The following DAB2IP variants were observed in gnomAD, a reference collection of about 807,000 sequenced individuals.
The protein encoded by DAB2IP is disabled homolog 2-interacting protein.
A neutral mutation model predicts 107.2 loss-of-function variants in DAB2IP; 28 were observed. The ratio of observed to expected loss-of-function variants is 0.26; its 90% confidence interval spans 0.19 to 0.36. DAB2IP has a LOEUF of 0.36. Ranked by LOEUF, DAB2IP falls within the 10% of genes least tolerant of loss-of-function variation. DAB2IP has a pLI of 1.00. For missense variants in DAB2IP, 1,400 were observed against 1,644.7 expected (o/e 0.85, Z 2.57); for synonymous variants, 755 against 706.4 (o/e 1.07, Z -1.09).
exon 11 of DAB2IP, chr9:121,770,723 G>T: frequency 1.2e-6 from 2 of 1,613,738 alleles, no homozygotes; most frequent in East Asian, 2.2e-5. Context: ...CGATCTTTCC[G>T]GGTAAGAGCT....
In DAB2IP at chr9:121,698,693, C is replaced by T. The variant is rs1829558265; in HGVS notation, c.229-632C>T. ...TGCCGCTCTGGGAAGGAAAGTCGCC[C>T]GGAATCGGGGTCTAAGTGGCCAGGG... On this transcript the variant is annotated intron_variant, in intron 2 of 15. Coordinates refer to ENST00000408936, the Ensembl canonical transcript of DAB2IP. The surrounding 1 kb of genome is among the most constrained non-coding windows in gnomAD (Gnocchi z 4.1). Among the ~76,000 whole-genome samples, 1 of 152,192 alleles carries T rather than the reference C, an allele frequency of 6.6e-6. No homozygotes were observed. The highest frequency in any genetic ancestry group is 2.4e-5 in the African/African-American group (1 of 41,460).
intron 1 of DAB2IP, among the ~76,000 whole-genome samples, chr9:121,601,886 TTGTG>T (rs141368984): frequency 0.39 from 58,241 of 151,154 alleles, 11,491 homozygotes; most frequent in East Asian, 0.57. Flanking sequence ...ATACATGCCT[TTGTG>T]TGTGTGTGTG....
chr9:121,603,404 A>G (rs1370531466), intron 1 of DAB2IP, among the ~76,000 whole-genome samples: 1 of 152,062 alleles, frequency 6.6e-6, no homozygotes, highest in Non-Finnish European at 1.5e-5. Flanking sequence ...GACCTATTTG[A>G]TCCTGCTGAA....
chr9:121,758,970 C>G (rs1396949488), exon 5 of DAB2IP: 4 of 1,613,256 alleles, frequency 2.5e-6, no homozygotes, highest in Non-Finnish European at 3.4e-6. Context: ...GATGGAGAAC[C>G]TCCGGCGAGC....
chr9:121,573,107 G>A (rs774719544), intron 1 of DAB2IP, among the ~76,000 whole-genome samples: 5 of 152,160 alleles, frequency 3.3e-5, no homozygotes, highest in Admixed American at 2.0e-4. Context: ...ATGGAGTTTC[G>A]CTCTTGTTGC....
rs554304532 is a variant in DAB2IP at position 121,590,294 on chromosome 9, C to T, written c.40+23066C>T. ...CTCCTTCTGGCCCCTCCTTCCCACT[C>T]CTCCCCTGTCATTCATACTATCCCT... On this transcript the variant is annotated intron_variant, in intron 1 of 16. Coordinates refer to the DAB2IP transcript ENST00000259371. 2.7e-5 allele frequency among the ~76,000 whole-genome samples: 4 copies of T among 150,896 alleles called. No homozygotes were observed. In the South Asian group the frequency reaches 6.4e-4, roughly 24 times the overall value.
rs1331617066 is a variant in DAB2IP at position 121,635,959 on chromosome 9, A to C, written c.41-42719A>C. Among the ~76,000 whole-genome samples, 1 of 152,148 alleles carries C rather than the reference A, an allele frequency of 6.6e-6. No individual in the cohort carries two copies. Among genetic ancestry groups the C allele is most frequent in the Admixed American group, 6.5e-5 (1 of 15,280 alleles). ...GCTCTGTCTCCCCAGGCTGGAGTGC[A>C]GTGGCACGATCTCGGCTCACTGCAA... On this transcript the variant is annotated intron_variant, in intron 1 of 16. Transcript: ENST00000259371. This position sits in a 1 kb window ranked among gnomAD's most constrained non-coding sequence, Gnocchi z 4.3.
Position 121,782,687 on chromosome 9 carries a change from C to T in DAB2IP, c.*189C>T, listed in dbSNP as rs554002400. On this transcript the variant is annotated 3_prime_UTR_variant, in exon 16 of 16. Transcript: ENST00000408936. The surrounding 1 kb of genome is among the most constrained non-coding windows in gnomAD (Gnocchi z 6.1). ...CACCAGAGACTGAAGCAGCGTGAGGCGAGGTCACCAGCCGCTCCCTGTGGG... is the reference window on the plus strand; with the variant it reads ...CACCAGAGACTGAAGCAGCGTGAGGTGAGGTCACCAGCCGCTCCCTGTGGG... 7 of 1,425,048 alleles carry T rather than the reference C, an allele frequency of 4.9e-6. No individual in the cohort carries two copies. Among genetic ancestry groups the T allele is most frequent in the South Asian group, 4.5e-5 (3 of 66,202 alleles). 88.3% of individuals were successfully genotyped at this position (1,425,048 alleles called of 1,614,324 possible). A position where few individuals can be genotyped will look rare whatever the true frequency, so the allele number is the denominator to read the frequency against.
intron 1 of DAB2IP, among the ~76,000 whole-genome samples, chr9:121,661,005 T>C (rs1433182295): frequency 6.7e-6 from 1 of 149,486 alleles, no homozygotes; most frequent in African/African-American, 2.5e-5. Context: ...GCGAGAGGAG[T>C]GGGAGCTGGT....
chr9:121,595,768 A>G (rs968972245), intron 1 of DAB2IP, among the ~76,000 whole-genome samples: 13 of 152,224 alleles, frequency 8.5e-5, no homozygotes, highest in Non-Finnish European at 1.9e-4. Flanking sequence ...TACTTTTACC[A>G]TATCTGTGCA....
chr9:121,604,504 G>C (rs1038253036), intron 1 of DAB2IP, among the ~76,000 whole-genome samples: 6 of 152,186 alleles, frequency 3.9e-5, no homozygotes, highest in Non-Finnish European at 8.8e-5. Flanking sequence ...TCTGGCTCCA[G>C]TTTTCCTCCC....
intron 2 of DAB2IP, among the ~76,000 whole-genome samples, chr9:121,688,610 T>C (rs1290750465): frequency 6.6e-6 from 1 of 152,186 alleles, no homozygotes. Context: ...ACCCCATCTG[T>C]ACACGCTCCC....
chr9:121,567,225 T>C, exon 1 of DAB2IP: 1 of 1,614,018 alleles, frequency 6.2e-7, no homozygotes, highest in South Asian at 1.1e-5. Flanking sequence ...AGACGACTCC[T>C]ACGGTAAGAC....
rs569019661 is a variant in DAB2IP at position 121,627,185 on chromosome 9, C to G, written c.41-51493C>G. Among the ~76,000 whole-genome samples, 10 of 151,734 alleles carry G rather than the reference C, an allele frequency of 6.6e-5. No individual in the cohort carries two copies. In the South Asian group the frequency reaches 1.9e-3, roughly 29 times the overall value. On this transcript the variant is annotated intron_variant, in intron 1 of 16. Coordinates refer to the DAB2IP transcript ENST00000259371. ...CACACACACAAGCATATGTAAGAAT[C>G]TATCCACCCAGGAGATCATCCCACA...
At chr9:121,727,974 G>A (rs1047005838) in intron 3 of DAB2IP, among the ~76,000 whole-genome samples, 2 of 152,076 alleles carry the variant, frequency 1.3e-5, no homozygotes, top group Non-Finnish European at 2.9e-5. Context: ...GTCTTTTTTT[G>A]TAAGAAAACA....
chr9:121,699,428 GCGCCGCCGC>G lies in DAB2IP; in HGVS notation c.342_350del (p.Ala115_Ala117del), dbSNP rs769541616. On this transcript the variant is annotated inframe_deletion, in exon 3 of 16. Coordinates refer to ENST00000408936, the Ensembl canonical transcript of DAB2IP. This position sits in a 1 kb window ranked among gnomAD's most constrained non-coding sequence, Gnocchi z 6.2. ...CGCCACATCCTGCCGGGGTTCCGGAGCGCCGCCGCCGCCGCCGCGGACAATGAGAGGTGA... is the reference window on the plus strand; with the variant it reads ...CGCCACATCCTGCCGGGGTTCCGGAGCGCCGCCGCGGACAATGAGAGGTGA... The G allele has an allele frequency of 1.9e-5, 27 of 1,456,296 alleles. No homozygotes were observed. The highest frequency in any genetic ancestry group is 2.4e-5 in the Non-Finnish European group (26 of 1,093,610). The allele number at this position is 1,456,296 out of a possible 1,614,324, so 90.2% of individuals were successfully genotyped here.
intron 1 of DAB2IP, among the ~76,000 whole-genome samples, chr9:121,641,224 C>G: frequency 6.6e-6 from 1 of 152,216 alleles, no homozygotes; most frequent in East Asian, 1.9e-4. Context: ...AGACAAAATG[C>G]TCTTCCCAGG....
chr9:121,762,073 C>T (rs1833934159), intron 6 of DAB2IP, among the ~76,000 whole-genome samples: 1 of 152,148 alleles, frequency 6.6e-6, no homozygotes, highest in South Asian at 2.1e-4. Context: ...TAGAAAGTAA[C>T]TTGTGCTGCT....
At chr9:121,674,726 C>A (rs1039824060) in intron 1 of DAB2IP, among the ~76,000 whole-genome samples, 4 of 152,182 alleles carry the variant, frequency 2.6e-5, no homozygotes, top group Admixed American at 6.5e-5. Context: ...ACCCAGGAGG[C>A]AAGAGGCAGG....
Sources: gnomAD v4.1 joint callset for allele counts (sites outside exome capture counted in the v4.1 genomes callset) on GRCh38, gnomAD v4.1.1 for gene constraint, Gnocchi (gnomAD v3.1) non-coding constraint, MANE v1.5 for transcripts, NCBI Gene and HGNC (gene_info 2026-07-23, HGNC 2026-07-21) for gene names.